Variants in NAV3 observed in about 807,000 individuals in gnomAD.
The protein encoded by NAV3 is pore membrane and/or filament interacting like protein 1.
NAV3 carries 87 observed loss-of-function variants against 244.7 expected under a neutral mutation model. The ratio of observed to expected loss-of-function variants is 0.36; its 90% CI spans 0.30 to 0.42. The LOEUF is 0.42. Ranked by LOEUF, NAV3 falls within the 20% of genes least tolerant of loss-of-function variation. The pLI is 1.00. For synonymous variants in NAV3, 1,126 were observed against 1,042.2 expected, an observed-to-expected ratio of 1.08 and a Z score of -1.55; for missense variants, 2,663 against 2,893.3, an observed-to-expected ratio of 0.92 and a Z score of 1.83.
chr12:77,738,801 G>C (rs954757263), intron 2 of NAV3, among the ~76,000 whole-genome samples: 3 of 152,106 alleles, frequency 2.0e-5, no homozygotes, highest in African/African-American at 7.2e-5. Context: ...ACGAGGTCAG[G>C]AGATCGAGAC....
At chr12:77,731,672 A>C (rs1877132745) in intron 2 of NAV3, among the ~76,000 whole-genome samples, 1 of 151,992 alleles carries the variant, frequency 6.6e-6, no homozygotes, top group South Asian at 2.1e-4. Context: ...AAGAAGACGG[A>C]GCTAAAAGAG....
chr12:77,720,027 A>G (rs927400925), intron 2 of NAV3, among the ~76,000 whole-genome samples: 1 of 151,984 alleles, frequency 6.6e-6, no homozygotes, highest in Non-Finnish European at 1.5e-5. Flanking sequence ...TTCAGTATTC[A>G]TAGGTTGTGT....
At chr12:77,827,094 G>A (rs370682301), upstream of NAV3, among the ~76,000 whole-genome samples, 11 of 151,924 alleles carry the variant, frequency 7.2e-5, no homozygotes, top group African/African-American at 1.9e-4. Context: ...TTAGCCAGGC[G>A]TAGTGGCAGG....
chr12:77,874,503 G>T (rs922933600), intron 1 of NAV3, among the ~76,000 whole-genome samples: 1 of 151,954 alleles, frequency 6.6e-6, no homozygotes, highest in Non-Finnish European at 1.5e-5. Context: ...GATTCAGTAT[G>T]CTCAGCCAGC....
At chr12:77,654,617 C>T (rs369225017) in intron 2 of NAV3, among the ~76,000 whole-genome samples, 4 of 152,242 alleles carry the variant, frequency 2.6e-5, no homozygotes, top group Non-Finnish European at 2.9e-5. Flanking sequence ...TCTCCCAGCA[C>T]GCAGCTGGAG....
intron 2 of NAV3, among the ~76,000 whole-genome samples, chr12:77,780,109 T>C (rs2135911372): frequency 6.6e-6 from 1 of 152,318 alleles, no homozygotes; most frequent in South Asian, 2.1e-4. Context: ...CATATAGGGT[T>C]TGTCAGACAA....
At chr12:77,763,341 G>A (rs936930959) in intron 2 of NAV3, among the ~76,000 whole-genome samples, 11 of 152,190 alleles carry the variant, frequency 7.2e-5, no homozygotes, top group African/African-American at 2.7e-4. Context: ...CATCACCAGA[G>A]AACTTCCTCA....
rs571397033 is a variant in NAV3, at chr12:77,985,291, G to C, written c.672-9512G>C. On this transcript the variant is annotated intron_variant, in intron 5 of 39. Transcript: ENST00000397909. ...AGTCTTTTCAATGATTAATTAATTG[G>C]ACAATTGCATAAATCAATCTTCATG... 3.2e-4 allele frequency among the ~76,000 whole-genome samples: 48 copies of C among 152,224 alleles called. No individual in the cohort carries two copies. The South Asian group carries it at 9.6e-3, about 30-fold the overall frequency.
intron 2 of NAV3, among the ~76,000 whole-genome samples, chr12:77,779,873 C>T (rs1005240091): frequency 1.3e-5 from 2 of 152,144 alleles, no homozygotes; most frequent in Admixed American, 1.3e-4. Flanking sequence ...AAACTTGATC[C>T]AGCCTCTTTG....
At chr12:77,575,546 A>G (rs758068941) in intron 2 of NAV3, among the ~76,000 whole-genome samples, 8 of 152,152 alleles carry the variant, frequency 5.3e-5, no homozygotes, top group Admixed American at 1.3e-4. Context: ...TGTTTGCACA[A>G]TCAAATCCAG....
At chr12:77,771,264 A>G (rs959093203) in intron 2 of NAV3, among the ~76,000 whole-genome samples, 5 of 152,206 alleles carry the variant, frequency 3.3e-5, no homozygotes, top group African/African-American at 4.8e-5. Flanking sequence ...TCAGGAAACA[A>G]CAGGTGCTGG....
At chr12:78,177,036 C>A in intron 26 of NAV3, 105 bp from the exon 27 acceptor site, 1 of 1,077,450 alleles carries the variant, frequency 9.3e-7, no homozygotes, top group Non-Finnish European at 1.4e-6. Flanking sequence ...CTTGTACATA[C>A]TGACCCCAGG....
At chr12:78,174,990 G>T (rs1239177632) in intron 24 of NAV3, among the ~76,000 whole-genome samples, 1 of 151,928 alleles carries the variant, frequency 6.6e-6, no homozygotes, top group African/African-American at 2.4e-5. Flanking sequence ...CATTTTGGAA[G>T]AGCTGCTTGA....
chr12:77,615,408 C>T (rs950838268), intron 2 of NAV3, among the ~76,000 whole-genome samples: 1 of 151,968 alleles, frequency 6.6e-6, no homozygotes, highest in African/African-American at 2.4e-5. Context: ...TCTATTGTTC[C>T]CATCTTTGTG....
At chr12:77,994,892 T>G (rs1425099809) in intron 6 of NAV3, 21 bp downstream of exon 6, 3 of 1,529,606 alleles carry the variant, frequency 2.0e-6, no homozygotes, top group Non-Finnish European at 2.7e-6. Context: ...ATTCTCTAAT[T>G]TATTGCTTAT....
At chr12:78,108,927 A>C (rs908518043) in intron 12 of NAV3, among the ~76,000 whole-genome samples, 24 of 152,092 alleles carry the variant, frequency 1.6e-4, no homozygotes, top group African/African-American at 1.4e-4. Context: ...AATCAAACCC[A>C]AAATCAGCAG....
chr12:77,591,629 A>T (rs1010218683), intron 2 of NAV3, among the ~76,000 whole-genome samples: 1 of 152,220 alleles, frequency 6.6e-6, no homozygotes, highest in Non-Finnish European at 1.5e-5. Flanking sequence ...AAGTGTGTCA[A>T]TTGATTTCAA....
At chr12:78,160,410 T>TGTGTGTGCGTGCGTGC (rs1555184883) in intron 23 of NAV3, among the ~76,000 whole-genome samples, 3 of 127,842 alleles carry the variant, frequency 2.3e-5, no homozygotes, top group East Asian at 2.4e-4. Context: ...CGTGCGTGTG[T>TGTGTGTGCGTGCGTGC]GTGTGTGTGT....
chr12:77,705,254 A>G (rs189605202), intron 2 of NAV3, among the ~76,000 whole-genome samples: 2 of 145,108 alleles, frequency 1.4e-5, no homozygotes, highest in African/African-American at 5.4e-5. Flanking sequence ...CCCTGTCTCT[A>G]CTAAAAATAC....
Sources: allele counts gnomAD v4.1 joint callset (sites outside exome capture counted in the v4.1 genomes callset), GRCh38; gene constraint gnomAD v4.1.1; transcripts MANE v1.5; gene names NCBI Gene and HGNC (gene_info 2026-07-23, HGNC 2026-07-21).